The following ATF3 variants were observed in gnomAD, a reference collection of about 807,000 sequenced individuals.
The protein encoded by ATF3 is cyclic AMP-dependent transcription factor ATF-3.
In ATF3, 10 loss-of-function variants were observed where a neutral mutation model predicts 18.4. That is an observed-to-expected ratio of 0.54 (90% CI 0.34 to 0.92). The LOEUF (loss-of-function observed/expected upper bound fraction) is 0.92. ATF3 is among the 40% of genes least tolerant of loss of function. ATF3 has a pLI of 0.02. For synonymous variants in ATF3, 78 were observed against 87.9 expected (o/e 0.89, Z 0.63); for missense variants, 183 against 222.3 (o/e 0.82, Z 1.12).
At chr1:212,612,118 G>A (rs10735510) in intron 1 of ATF3, among the ~76,000 whole-genome samples, 1 of 151,944 alleles carries the variant, frequency 6.6e-6, no homozygotes, top group Non-Finnish European at 1.5e-5. Flanking sequence ...GCCTAGTGCC[G>A]AGAAAACCCA....
intron 2 of ATF3, among the ~76,000 whole-genome samples, 191 bp from the exon 3 acceptor site, chr1:212,617,932 CGTGT>C (rs10545342): frequency 9.4e-6 from 1 of 106,598 alleles, no homozygotes; most frequent in African/African-American, 3.5e-5. Flanking sequence ...TGTTCACTCA[CGTGT>C]GTGTGTGTGC....
intron 1 of ATF3, among the ~76,000 whole-genome samples, chr1:212,593,089 C>T (rs1259372531): frequency 1.3e-5 from 2 of 151,674 alleles, no homozygotes; most frequent in Non-Finnish European, 2.9e-5. Flanking sequence ...CCCATATACA[C>T]CATGGAATAC....
chr1:212,601,238 T>C (rs78276076), intron 1 of ATF3, among the ~76,000 whole-genome samples: 6,791 of 152,274 alleles, frequency 0.045, 220 homozygotes, highest in Non-Finnish European at 0.068. Flanking sequence ...CTTATGTTTG[T>C]GGTTAAAGCA....
chr1:212,605,406 T>C (rs554590247), upstream of ATF3, among the ~76,000 whole-genome samples: 1 of 152,246 alleles, frequency 6.6e-6, no homozygotes, highest in South Asian at 2.1e-4. Context: ...TATAAGAAAA[T>C]GGACTCCACT....
chr1:212,570,640 A>G (rs1377359698), intron 1 of ATF3, among the ~76,000 whole-genome samples: 1 of 152,170 alleles, frequency 6.6e-6, no homozygotes, highest in African/African-American at 2.4e-5. Flanking sequence ...TACTCTACCC[A>G]TATAGGCAAC....
At chr1:212,611,392 C>G (rs575486497) in intron 1 of ATF3, among the ~76,000 whole-genome samples, 3 of 152,202 alleles carry the variant, frequency 2.0e-5, no homozygotes, top group African/African-American at 7.2e-5. Context: ...AATGACTACC[C>G]GGTGTGTATG....
At chr1:212,594,847 G>T (rs1007751017) in intron 1 of ATF3, among the ~76,000 whole-genome samples, 3 of 152,180 alleles carry the variant, frequency 2.0e-5, no homozygotes, top group Non-Finnish European at 2.9e-5. Flanking sequence ...AAAGAAGAGA[G>T]TGTTGCCAGC....
At position 212,618,161 on chromosome 1, in the gene ATF3, G is replaced by A. The variant is rs896815259; in HGVS notation, c.275G>A (p.Arg92Gln). ...GAAGAAGATGAAAGGAAAAAGAGGC[G>A]ACGAGAAAGAAATAAGATTGCAGCT... Reference protein sequence around the residue: ...APEEDERKKRRRERNKIAAAK... With the variant: ...APEEDERKKRQRERNKIAAAK... The change falls in exon 3 of 4, where the codon CGA becomes CAA. Residue 92 changes from arginine (R) to glutamine (Q), a missense_variant. Coordinates refer to ENST00000341491, the MANE Select transcript of ATF3 (RefSeq NM_001674.4). This position sits in a 1 kb window ranked among gnomAD's most constrained non-coding sequence, Gnocchi z 4.4. 23 of 1,614,032 alleles carry A rather than the reference G, an allele frequency of 1.4e-5. No homozygotes were observed. The highest frequency in any genetic ancestry group is 1.8e-5 in the Non-Finnish European group (21 of 1,180,030).
chr1:212,619,483 GA>G lies in ATF3; in HGVS notation c.476del (p.Asn159MetfsTer16), dbSNP rs1177642937. 6.2e-7 allele frequency: 1 copy of G among 1,614,084 alleles called. No homozygotes were observed. Among genetic ancestry groups the G allele is most frequent in the African/African-American group, 1.3e-5 (1 of 74,932 alleles). On this transcript the variant is annotated frameshift_variant, in exon 4 of 4. Coordinates refer to ENST00000341491, the MANE Select transcript of ATF3 (RefSeq NM_001674.4). LOFTEE classifies it high-confidence loss of function. The surrounding 1 kb of genome is among the most constrained non-coding windows in gnomAD (Gnocchi z 4.4). ...HRPTCIVRAQ[N>X]GRTPEDERNL... ...GGCCCACGTGTATTGTCCGGGCTCAGAATGGGAGGACTCCAGAAGATGAGAG... is the reference window on the plus strand; with the variant it reads ...GGCCCACGTGTATTGTCCGGGCTCAGATGGGAGGACTCCAGAAGATGAGAG...
At position 212,619,351 on chromosome 1, in the gene ATF3, C is replaced by G. The variant is rs377098998; in HGVS notation, c.349-7C>G. On this transcript the variant is annotated splice_region_variant and splice_polypyrimidine_tract_variant and intron_variant, in intron 3 of 3. Transcript: ENST00000341491. The surrounding 1 kb of genome is among the most constrained non-coding windows in gnomAD (Gnocchi z 4.4). ...CTTTCTTGATGCCTCTGTTGCTTGT[C>G]CCCCAGGAGTCGGAGAAGCTGGAAA... 8 of 1,612,858 alleles carry G rather than the reference C, an allele frequency of 5.0e-6. No individual in the cohort carries two copies. The highest frequency in any genetic ancestry group is 4.0e-5 in the African/African-American group (3 of 74,850).
At chr1:212,597,460 C>CA (rs1558233081) in intron 1 of ATF3, among the ~76,000 whole-genome samples, 25 of 131,870 alleles carry the variant, frequency 1.9e-4, no homozygotes, top group African/African-American at 6.9e-4. Context: ...TCATCTATCT[C>CA]TCTATCTAGC....
At chr1:212,578,628 A>C (rs1664625500) in intron 1 of ATF3, among the ~76,000 whole-genome samples, 1 of 152,120 alleles carries the variant, frequency 6.6e-6, no homozygotes, top group African/African-American at 2.4e-5. Flanking sequence ...CCGGGAGTAG[A>C]ATCTTGTCCT....
intron 1 of ATF3, among the ~76,000 whole-genome samples, chr1:212,582,083 A>C (rs994027803): frequency 3.9e-5 from 6 of 152,252 alleles, no homozygotes; most frequent in Admixed American, 1.3e-4. Context: ...AAAATTTAGC[A>C]AATGAAAATA....
chr1:212,618,982 G>C lies in ATF3; in HGVS notation c.349-376G>C, dbSNP rs1026099972. 11 of 1,600,422 alleles carry C rather than the reference G, an allele frequency of 6.9e-6. No homozygotes were observed. The highest frequency in any genetic ancestry group is 9.4e-6 in the Non-Finnish European group (11 of 1,168,006). Reference sequence around the variant, plus strand: ...ATATACATTTTTTCTGGGGAGATGAGCTTCTCATTGAGATCTGTGACTCAG... The same window carrying C: ...ATATACATTTTTTCTGGGGAGATGACCTTCTCATTGAGATCTGTGACTCAG... On this transcript the variant is annotated intron_variant, in intron 3 of 3. Coordinates refer to ENST00000341491, the MANE Select transcript of ATF3 (RefSeq NM_001674.4). This position sits in a 1 kb window ranked among gnomAD's most constrained non-coding sequence, Gnocchi z 4.4.
chr1:212,610,186 A>G (rs566330190), intron 1 of ATF3, among the ~76,000 whole-genome samples: 1 of 152,174 alleles, frequency 6.6e-6, no homozygotes, highest in East Asian at 1.9e-4. Context: ...TTCCTCCTAA[A>G]CATTTTCTTT....
chr1:212,576,721 C>CTTTTT (rs57512671), intron 1 of ATF3, among the ~76,000 whole-genome samples: 1,828 of 57,296 alleles, frequency 0.032, 145 homozygotes, highest in Non-Finnish European at 0.037. Flanking sequence ...CTTTTCTTTT[C>CTTTTT]TTTTTTTTTT....
chr1:212,580,708 A>C (rs796443967), intron 1 of ATF3, among the ~76,000 whole-genome samples: 98 of 152,242 alleles, frequency 6.4e-4, no homozygotes, highest in African/African-American at 2.1e-3. Flanking sequence ...CAGCACTCTA[A>C]TTTTCTGAGA....
chr1:212,595,555 C>G (rs6670396), intron 1 of ATF3, among the ~76,000 whole-genome samples: 4 of 152,156 alleles, frequency 2.6e-5, no homozygotes, highest in African/African-American at 4.8e-5. Flanking sequence ...CGGAAATGTG[C>G]GGGGAGTGGC....
intron 1 of ATF3, among the ~76,000 whole-genome samples, chr1:212,610,555 G>A (rs534290175): frequency 3.9e-5 from 6 of 152,342 alleles, no homozygotes; most frequent in East Asian, 3.9e-4. Flanking sequence ...AGCACCCCAC[G>A]CCCGCAGTGG....
Sources: gnomAD v4.1 joint callset for allele counts (sites outside exome capture counted in the v4.1 genomes callset) on GRCh38, gnomAD v4.1.1 for gene constraint, Gnocchi (gnomAD v3.1) non-coding constraint, MANE v1.5 for transcripts, NCBI Gene and HGNC (gene_info 2026-07-23, HGNC 2026-07-21) for gene names.